The following CCDC171 variants were observed in gnomAD, a reference collection of about 807,000 sequenced individuals.
CCDC171 encodes coiled-coil domain containing 171, also known as coiled-coil domain-containing protein 171.
Under a neutral mutation model 168.2 loss-of-function variants are expected in CCDC171, and 177 were observed. That is an observed-to-expected ratio of 1.05 (90% CI 0.93 to 1.19). The LOEUF (loss-of-function observed/expected upper bound fraction) is 1.19. Among genes scored for constraint, CCDC171 ranks in the 50% most tolerant of loss-of-function variants. The pLI, the probability that CCDC171 is intolerant of heterozygous loss-of-function variation, is 0.00. For missense variants in CCDC171, 1,991 were observed against 1,539.0 expected (o/e 1.29, Z -4.91); for synonymous variants, 687 against 540.8 (o/e 1.27, Z -3.75).
At chr9:15,944,984 A>T (rs1408418418) in intron 25 of CCDC171, among the ~76,000 whole-genome samples, 1 of 151,532 alleles carries the variant, frequency 6.6e-6, no homozygotes, top group African/African-American at 2.4e-5. Context: ...GCACCCACTA[A>T]CTCGTCATCT....
intron 18 of CCDC171, among the ~76,000 whole-genome samples, chr9:15,749,478 G>T (rs1474662023): frequency 6.6e-6 from 1 of 152,172 alleles, no homozygotes; most frequent in African/African-American, 2.4e-5. Context: ...GGACCTAATA[G>T]ACATCTACAG....
intron 7 of CCDC171, among the ~76,000 whole-genome samples, chr9:15,634,823 C>A (rs1017415238): frequency 2.0e-5 from 3 of 152,238 alleles, no homozygotes; most frequent in Admixed American, 2.0e-4. Context: ...TCCTCTCATC[C>A]CTAAGCAACC....
rs373633285 is a variant in CCDC171 at position 16,008,853 on chromosome 9, C to T, written n.369-11736C>T. On this transcript the variant is annotated intron_variant and non_coding_transcript_variant, in intron 3 of 9. Coordinates refer to the CCDC171 transcript ENST00000486641. ...TGCCCTGGGTTCCACTCGCTATGCC[C>T]ATCTATAAAACATCACCTGGCTATC... Among the ~76,000 whole-genome samples the T allele has an allele frequency of 2.6e-5, 4 of 152,118 alleles. No individual in the cohort carries two copies. The East Asian group carries it at 5.8e-4, about 22-fold the overall frequency.
At chr9:15,666,634 G>T (rs1178780364) in intron 9 of CCDC171, among the ~76,000 whole-genome samples, 1 of 152,024 alleles carries the variant, frequency 6.6e-6, no homozygotes, top group African/African-American at 2.4e-5. Context: ...ACCAGCTTGG[G>T]CAACATAGTG....
Position 15,846,781 on chromosome 9 carries a change from A to G in CCDC171, c.3347A>G (p.Glu1116Gly). The change falls in exon 22 of 26, where the codon GAG (glutamate) becomes GGG (glycine). Residue 1116 changes from glutamate to glycine, a missense_variant. Glu to Gly is a moderately conservative substitution (Grantham distance 98, BLOSUM62 -2). Transcript: ENST00000380701. ...RQLNRHLTQL[E>G]QDKRRLEENI... ...CTCAATAGACATCTTACCCAGCTGG[A>G]GCAGGACAAGCGTCGACTGGAGGAG... 1 of 1,612,482 alleles carries G rather than the reference A, an allele frequency of 6.2e-7. No homozygotes were observed. Among genetic ancestry groups the G allele is most frequent in the Non-Finnish European group, 8.5e-7 (1 of 1,179,232 alleles).
intron 5 of CCDC171, among the ~76,000 whole-genome samples, chr9:15,593,677 A>T (rs559147799): frequency 6.6e-6 from 1 of 152,150 alleles, no homozygotes; most frequent in South Asian, 2.1e-4. Flanking sequence ...CTATCATATG[A>T]TATCATATAT....
intron 23 of CCDC171, among the ~76,000 whole-genome samples, chr9:15,867,251 A>G (rs919583993): frequency 3.9e-5 from 6 of 152,088 alleles, no homozygotes; most frequent in African/African-American, 1.4e-4. Flanking sequence ...ATCTTTAAAT[A>G]TAATTTTATA....
intron 25 of CCDC171, among the ~76,000 whole-genome samples, chr9:15,926,950 GT>G (rs1825963613): frequency 6.6e-6 from 1 of 151,466 alleles, no homozygotes; most frequent in Non-Finnish European, 1.5e-5. Context: ...ACTTGTTGTT[GT>G]TATGACTTAT....
At chr9:15,832,981 CTTTTTTT>C (rs71325937) in intron 21 of CCDC171, among the ~76,000 whole-genome samples, 1 of 69,438 alleles carries the variant, frequency 1.4e-5, no homozygotes, top group Non-Finnish European at 2.7e-5. Flanking sequence ...TCATTATAAT[CTTTTTTT>C]TTTTTTTTTT....
chr9:15,679,106 A>G (rs1004464717), intron 10 of CCDC171, among the ~76,000 whole-genome samples: 1 of 152,230 alleles, frequency 6.6e-6, no homozygotes. Flanking sequence ...GGGGGAAACT[A>G]ACTGAACTAG....
At chr9:16,085,061 A>G in the CCDC171 span, among the ~76,000 whole-genome samples, 3 of 152,236 alleles carry the variant, frequency 2.0e-5, no homozygotes, top group Non-Finnish European at 4.4e-5. Flanking sequence ...CAACCAGTCT[A>G]GTAGCCACCT....
At chr9:15,664,595 C>T (rs1489524770) in intron 8 of CCDC171, among the ~76,000 whole-genome samples, 1 of 151,834 alleles carries the variant, frequency 6.6e-6, no homozygotes, top group Non-Finnish European at 1.5e-5. Context: ...CACACTCACA[C>T]GAGTTGTTTT....
At chr9:15,763,188 C>T (rs146522722) in intron 18 of CCDC171, among the ~76,000 whole-genome samples, 84 of 152,288 alleles carry the variant, frequency 5.5e-4, no homozygotes, top group African/African-American at 1.8e-3. Context: ...GCTCCAAATG[C>T]GAAGCTTCTG....
At chr9:15,963,569 T>G (rs1236632151) in intron 25 of CCDC171, among the ~76,000 whole-genome samples, 2 of 152,214 alleles carry the variant, frequency 1.3e-5, no homozygotes, top group African/African-American at 4.8e-5. Flanking sequence ...GATTCCCTCT[T>G]TTCAACAGTG....
At chr9:15,771,758 G>A (rs1408250854) in intron 18 of CCDC171, among the ~76,000 whole-genome samples, 3 of 152,078 alleles carry the variant, frequency 2.0e-5, no homozygotes, top group African/African-American at 7.2e-5. Flanking sequence ...TAAATCTTGA[G>A]TTTATCTGGA....
At chr9:16,001,890 T>G (rs1226154814) in intron 3 of CCDC171, among the ~76,000 whole-genome samples, 2 of 149,568 alleles carry the variant, frequency 1.3e-5, no homozygotes, top group Non-Finnish European at 3.0e-5. Flanking sequence ...CAGGCTGAAG[T>G]GTGGGGGTGC....
At chr9:15,759,767 AAAG>A (rs1444342556) in intron 18 of CCDC171, among the ~76,000 whole-genome samples, 2 of 152,094 alleles carry the variant, frequency 1.3e-5, no homozygotes, top group South Asian at 4.1e-4. Flanking sequence ...CATTTTTAAA[AAAG>A]CTTTACTTTT....
intron 9 of CCDC171, among the ~76,000 whole-genome samples, chr9:15,672,839 C>G (rs2049223310): frequency 6.6e-6 from 1 of 152,154 alleles, no homozygotes; most frequent in Admixed American, 6.5e-5. Flanking sequence ...GCAATGTGGG[C>G]TCTTTTTTGG....
intron 18 of CCDC171, among the ~76,000 whole-genome samples, chr9:15,774,019 G>T (rs1234521086): frequency 6.6e-6 from 1 of 152,110 alleles, no homozygotes; most frequent in African/African-American, 2.4e-5. Context: ...GCTGAGGTGG[G>T]TGGATCACTT....
Sources: allele counts gnomAD v4.1 joint callset (sites outside exome capture counted in the v4.1 genomes callset), GRCh38; gene constraint gnomAD v4.1.1; transcripts MANE v1.5; gene names NCBI Gene and HGNC (gene_info 2026-07-23, HGNC 2026-07-21).